The following ST6GALNAC1 variants were observed in gnomAD, a reference collection of about 807,000 sequenced individuals.
ST6GALNAC1 encodes the protein ST6 N-acetylgalactosaminide alpha-2,6-sialyltransferase 1.
A neutral mutation model predicts 56.8 loss-of-function variants in ST6GALNAC1; 45 were observed. That is an observed-to-expected ratio of 0.79 (90% CI 0.62 to 1.02). The LOEUF (loss-of-function observed/expected upper bound fraction) is 1.02. ST6GALNAC1 is among the 50% of genes least tolerant of loss of function. The pLI is 0.00. For synonymous variants in ST6GALNAC1, 295 were observed against 297.8 expected, an observed-to-expected ratio of 0.99 and a Z score of 0.10; for missense variants, 743 against 754.8, an observed-to-expected ratio of 0.98 and a Z score of 0.18.
chr17:76,632,236 TCTG>T (rs2075913530), intron 1 of ST6GALNAC1, among the ~76,000 whole-genome samples: 1 of 152,158 alleles, frequency 6.6e-6, no homozygotes. Flanking sequence ...AGAGAGGAAT[TCTG>T]CTGAATGACA....
At chr17:76,621,703 G>A (rs1319105621), downstream of ST6GALNAC1, among the ~76,000 whole-genome samples, 4 of 151,990 alleles carry the variant, frequency 2.6e-5, no homozygotes, top group Non-Finnish European at 5.9e-5. Flanking sequence ...TCGAACTCCT[G>A]ACCTCAGGTG....
At position 76,626,407 on chromosome 17, in the gene ST6GALNAC1, C is replaced by T. The variant is rs374835594; in HGVS notation, c.1312-15G>A. On this transcript the variant is annotated splice_polypyrimidine_tract_variant and intron_variant, in intron 5 of 8. Coordinates refer to ENST00000156626, the MANE Select transcript of ST6GALNAC1 (RefSeq NM_018414.5). ...TAGCGGACGTCCTGAGGACCAAGGACAGGGAGTGGTCCAAAAGTACTGCCT... is the reference window on the plus strand; with the variant it reads ...TAGCGGACGTCCTGAGGACCAAGGATAGGGAGTGGTCCAAAAGTACTGCCT... 6.2e-7 allele frequency: 1 copy of T among 1,613,058 alleles called. No homozygotes were observed. Among genetic ancestry groups the T allele is most frequent in the South Asian group, 1.1e-5 (1 of 91,040 alleles).
intron 5 of ST6GALNAC1, 95 bp from the exon 6 acceptor site, chr17:76,626,487 G>A: frequency 6.6e-7 from 1 of 1,504,332 alleles, no homozygotes; most frequent in Non-Finnish European, 9.2e-7. Flanking sequence ...CACTTGCTCT[G>A]CTCTGGACTG....
chr17:76,639,922 G>C (rs571343457), intron 1 of ST6GALNAC1, among the ~76,000 whole-genome samples: 12 of 152,002 alleles, frequency 7.9e-5, no homozygotes, highest in Admixed American at 5.9e-4. Context: ...TTAAGTGAGC[G>C]CCTGTCTTGG....
At chr17:76,637,746 G>A (rs904234565) in intron 1 of ST6GALNAC1, 1 of 398,940 alleles carries the variant, frequency 2.5e-6, no homozygotes. Context: ...CCTGCAGAGG[G>A]GCAAGAAGAG....
chr17:76,635,541 G>A (rs1037423370), intron 1 of ST6GALNAC1, among the ~76,000 whole-genome samples: 2 of 152,194 alleles, frequency 1.3e-5, no homozygotes, highest in Non-Finnish European at 2.9e-5. Flanking sequence ...GGAGGCTGAG[G>A]CAGGAGAATT....
downstream of ST6GALNAC1, among the ~76,000 whole-genome samples, chr17:76,620,511 G>A (rs545135691): frequency 2.0e-5 from 3 of 151,820 alleles, no homozygotes; most frequent in East Asian, 1.9e-4. Context: ...TATCCCTTCC[G>A]CCCTATTCCT....
In ST6GALNAC1 at chr17:76,625,509, T is replaced by C; in HGVS notation, c.1624A>G (p.Ile542Val). The C allele has an allele frequency of 1.2e-6, 2 of 1,614,006 alleles. No homozygotes were observed. The highest frequency in any genetic ancestry group is 1.7e-6 in the Non-Finnish European group (2 of 1,180,036). Residue 542 changes from isoleucine to valine, a missense_variant, in exon 9 of 9, where the codon ATC (isoleucine) becomes GTC (valine). Physicochemically the swap from Ile to Val is conservative, Grantham distance 29 (BLOSUM62 3). Transcript: ENST00000156626. Reference sequence around the variant, plus strand: ...GAAAAGCGCTCATGGCCCTCAGTGATGAAGCCATAAGCACTCACCTACATC... The same window carrying C: ...GAAAAGCGCTCATGGCCCTCAGTGACGAAGCCATAAGCACTCACCTACATC... The part of the protein sequence containing the change: ...LCDQVSAYGF[I>V]TEGHERFSDH...
Position 76,627,596 on chromosome 17 carries a change from G to A in ST6GALNAC1, c.832-13C>T. The A allele has an allele frequency of 1.9e-6, 3 of 1,612,736 alleles. No homozygotes were observed. The highest frequency in any genetic ancestry group is 2.5e-6 in the Non-Finnish European group (3 of 1,179,354). On this transcript the variant is annotated splice_polypyrimidine_tract_variant and intron_variant, in intron 2 of 8. Transcript: ENST00000156626. This position sits in a 1 kb window ranked among gnomAD's most constrained non-coding sequence, Gnocchi z 4.4. Reference sequence around the variant, plus strand: ...AGTCAGGGCAAGTCTATATACAGGAGGACGAAGTCAGGAAGGGAGAGACCC... The same window carrying A: ...AGTCAGGGCAAGTCTATATACAGGAAGACGAAGTCAGGAAGGGAGAGACCC...
At chr17:76,637,272 TAA>T (rs771644279) in intron 1 of ST6GALNAC1, among the ~76,000 whole-genome samples, 653 of 18,138 alleles carry the variant, frequency 0.036, 5 homozygotes, top group African/African-American at 0.15. Context: ...CAATAAATAC[TAA>T]AAAAAAAAAA....
chr17:76,635,027 G>A (rs1447037553), intron 1 of ST6GALNAC1, among the ~76,000 whole-genome samples: 1 of 152,160 alleles, frequency 6.6e-6, no homozygotes, highest in Non-Finnish European at 1.5e-5. Context: ...ATGACTAAAA[G>A]CTGTATGATT....
intron 1 of ST6GALNAC1, chr17:76,633,608 C>A (rs953681427): frequency 6.6e-6 from 1 of 152,068 alleles, no homozygotes; most frequent in Non-Finnish European, 1.5e-5. Flanking sequence ...CAACATCCTC[C>A]CTCTCTGTAT....
intron 1 of ST6GALNAC1, among the ~76,000 whole-genome samples, chr17:76,631,071 G>A (rs1598298176): frequency 2.1e-5 from 1 of 48,078 alleles, no homozygotes; most frequent in African/African-American, 1.1e-4. Context: ...ATCTCTGTGT[G>A]TGTGTGTGTG....
intron 1 of ST6GALNAC1, chr17:76,637,704 C>T (rs776892926): frequency 2.3e-5 from 9 of 398,894 alleles, no homozygotes; most frequent in Non-Finnish European, 2.7e-5. Flanking sequence ...GCCTTGGCAC[C>T]GCATCAGATG....
At chr17:76,637,669 C>T in intron 1 of ST6GALNAC1, 1 of 398,906 alleles carries the variant, frequency 2.5e-6, no homozygotes, top group East Asian at 3.6e-5. Flanking sequence ...TACTCAATAG[C>T]GAAGGGTCAG....
chr17:76,643,129 G>T (rs1028958349), intron 1 of ST6GALNAC1, among the ~76,000 whole-genome samples: 1 of 152,120 alleles, frequency 6.6e-6, no homozygotes, highest in African/African-American at 2.4e-5. Flanking sequence ...TGGCTCTTTC[G>T]CTTCAGGACG....
chr17:76,643,300 G>A (rs944174100), intron 1 of ST6GALNAC1, among the ~76,000 whole-genome samples: 5 of 152,132 alleles, frequency 3.3e-5, no homozygotes, highest in African/African-American at 7.2e-5. Context: ...CATCCCATGC[G>A]TCTTGGTTGC....
At position 76,629,673 on chromosome 17, in the gene ST6GALNAC1, T is replaced by C; in HGVS notation, c.170A>G (p.Gln57Arg). 10 of 1,614,094 alleles carry C rather than the reference T, an allele frequency of 6.2e-6. No homozygotes were observed. Among genetic ancestry groups the C allele is most frequent in the Non-Finnish European group, 7.6e-6 (9 of 1,180,012 alleles). The change falls in exon 2 of 9, where the codon CAG becomes CGG. Residue 57 changes from glutamine to arginine, a missense_variant. Gln to Arg is a conservative substitution (Grantham distance 43, BLOSUM62 1). Coordinates refer to ENST00000156626, the MANE Select transcript of ST6GALNAC1 (RefSeq NM_018414.5). ...CTGGGACTTAGGCTTTGCCAGGGAC[T>C]GTAGAGACCTTTCTTTAATGTTCTC... ...RTENIKERSL[Q>R]SLAKPKSQAP...
At chr17:76,624,079 C>T (rs559865965), downstream of ST6GALNAC1, among the ~76,000 whole-genome samples, 3 of 152,312 alleles carry the variant, frequency 2.0e-5, no homozygotes, top group East Asian at 5.8e-4. Flanking sequence ...CGCCACCTGC[C>T]GCCCGGAGCT....
Sources: gnomAD v4.1 joint callset for allele counts (sites outside exome capture counted in the v4.1 genomes callset) on GRCh38, gnomAD v4.1.1 for gene constraint, Gnocchi (gnomAD v3.1) non-coding constraint, MANE v1.5 for transcripts, NCBI Gene and HGNC (gene_info 2026-07-23, HGNC 2026-07-21) for gene names.